The following SSTR3 variants were observed in gnomAD, a reference collection of about 807,000 sequenced individuals.
The protein encoded by SSTR3 is somatostatin receptor type 3.
For missense variants in SSTR3, 504 were observed against 604.7 expected, an observed-to-expected ratio of 0.83 and a Z score of 1.75; for synonymous variants, 281 against 269.2, an observed-to-expected ratio of 1.04 and a Z score of -0.43.
chr22:37,219,405 G>T, the SSTR3 span, among the ~76,000 whole-genome samples: 1 of 114,408 alleles, frequency 8.7e-6, no homozygotes, highest in Non-Finnish European at 1.8e-5. Context: ...GGTGGGAACT[G>T]TATTGAATTT....
chr22:37,216,594 T>C (rs1213332889), upstream of SSTR3, among the ~76,000 whole-genome samples: 1 of 152,232 alleles, frequency 6.6e-6, no homozygotes, highest in Non-Finnish European at 1.5e-5. Context: ...TCAGGGACGA[T>C]TTCGTCCTGG....
At chr22:37,220,272 G>A in the SSTR3 span, among the ~76,000 whole-genome samples, 1 of 152,138 alleles carries the variant, frequency 6.6e-6, no homozygotes, top group Non-Finnish European at 1.5e-5. Flanking sequence ...GGGTCCCAAG[G>A]TAGAAGGGGC....
chr22:37,206,659 G>T lies in SSTR3; in HGVS notation c.1145C>A (p.Thr382Asn), dbSNP rs554837429. ...GCTGGGCGGCCGCTCCTGCCCGCTGGTGCCAGGCTGCGTGATCTGGCTGAC... is the reference window on the plus strand; with the variant it reads ...GCTGGGCGGCCGCTCCTGCCCGCTGTTGCCAGGCTGCGTGATCTGGCTGAC... ...GRVSQITQPG[T>N]SGQERPPSRV... Residue 382 changes from threonine (T) to asparagine (N), a missense_variant, in exon 2 of 2, where the codon ACC becomes AAC. Thr to Asn is a moderately conservative substitution (Grantham distance 65). Coordinates refer to ENST00000610913, the MANE Select transcript of SSTR3 (RefSeq NM_001051.5). 1.9e-6 allele frequency: 3 copies of T among 1,610,508 alleles called. No homozygotes were observed. Among genetic ancestry groups the T allele is most frequent in the Admixed American group, 3.3e-5 (2 of 60,022 alleles).
chr22:37,216,031 C>T (rs1284717314), upstream of SSTR3: 1 of 156,074 alleles, frequency 6.4e-6, no homozygotes, highest in Non-Finnish European at 1.4e-5. Flanking sequence ...TATATCATAA[C>T]AGAAGTTATA....
In SSTR3 at chr22:37,211,831, A is replaced by T; in HGVS notation, c.-43T>A. The T allele has an allele frequency of 1.0e-6, 1 of 985,570 alleles. No homozygotes were observed. The highest frequency in any genetic ancestry group is 4.7e-5 in the South Asian group (1 of 21,294). The allele number at this position is 985,570 out of a possible 1,614,324, so 61.1% of individuals were successfully genotyped here. ...CGGGCCCCAGCCTCCTTACCTGCCC[A>T]TGGGGTGAGGGCTTCCCTCCTTGCC... is the stretch of plus-strand genomic sequence containing the variant. On this transcript the variant is annotated 5_prime_UTR_variant, in exon 1 of 2. An upstream start codon of the reference 5' UTR is lost. Coordinates refer to ENST00000610913, the MANE Select transcript of SSTR3 (RefSeq NM_001051.5).
At chr22:37,217,805 G>A in the SSTR3 span, among the ~76,000 whole-genome samples, 1 of 152,184 alleles carries the variant, frequency 6.6e-6, no homozygotes. Context: ...CTGGGTTCAA[G>A]TGATTCTTCT....
intron 1 of SSTR3, among the ~76,000 whole-genome samples, chr22:37,209,890 C>T (rs543506302): frequency 6.6e-6 from 1 of 152,196 alleles, no homozygotes. Flanking sequence ...GCCTAATGGA[C>T]CTTAGAGATC....
chr22:37,211,991 C>T lies in SSTR3; in HGVS notation c.-203G>A, dbSNP rs866982389. On this transcript the variant is annotated 5_prime_UTR_variant, in exon 1 of 2. Transcript: ENST00000610913. ...GGGCTCAGGTTCCCTCCCAGGCCCT[C>T]GGCCACGGCTGTCCACAGAGCCTCT... is the stretch of plus-strand genomic sequence containing the variant. 1.4e-4 allele frequency: 136 copies of T among 985,750 alleles called. No individual in the cohort carries two copies. The highest frequency in any genetic ancestry group is 1.6e-4 in the Non-Finnish European group (132 of 830,218). 61.1% of individuals were successfully genotyped at this position (985,750 alleles called of 1,614,324 possible).
upstream of SSTR3, among the ~76,000 whole-genome samples, chr22:37,212,625 C>T (rs755516219): frequency 1.3e-5 from 2 of 152,112 alleles, no homozygotes; most frequent in Non-Finnish European, 2.9e-5. Context: ...GGCCTTGGCT[C>T]CTGCAGGGAG....
upstream of SSTR3, among the ~76,000 whole-genome samples, chr22:37,213,256 T>C (rs2145809486): frequency 6.6e-6 from 1 of 152,300 alleles, no homozygotes; most frequent in Non-Finnish European, 1.5e-5. Flanking sequence ...TGCCGTACAG[T>C]CCTGAGCACA....
intron 1 of SSTR3, among the ~76,000 whole-genome samples, chr22:37,209,220 C>T (rs1424302671): frequency 6.6e-6 from 1 of 152,202 alleles, no homozygotes; most frequent in Non-Finnish European, 1.5e-5. Flanking sequence ...TGCAAAGCTC[C>T]TGGGAAGGGA....
chr22:37,207,197 G>T lies in SSTR3; in HGVS notation c.607C>A (p.Arg203=). 2.5e-6 allele frequency: 4 copies of T among 1,610,934 alleles called. No individual in the cohort carries two copies. The highest frequency in any genetic ancestry group is 3.4e-6 in the Non-Finnish European group (4 of 1,179,072). ...MQWPEPAAAW[R]AGFIIYTAAL... Reference sequence around the variant, plus strand: ...GCCGTGTAGATGATGAAGCCGGCTCGCCAGGCCGCCGCCGGCTCGGGCCAC... The same window carrying T: ...GCCGTGTAGATGATGAAGCCGGCTCTCCAGGCCGCCGCCGGCTCGGGCCAC... The change falls in exon 2 of 2, where the codon CGA becomes AGA. Residue 203 remains arginine, a synonymous_variant. Coordinates refer to ENST00000610913, the MANE Select transcript of SSTR3 (RefSeq NM_001051.5).
upstream of SSTR3, among the ~76,000 whole-genome samples, chr22:37,216,173 A>G (rs1367233523): frequency 6.6e-6 from 1 of 152,082 alleles, no homozygotes; most frequent in Non-Finnish European, 1.5e-5. Context: ...AGCAAAAAAC[A>G]GCAGTCCTCC....
chr22:37,206,604 T>C lies in SSTR3; in HGVS notation c.1200A>G (p.Leu400=), dbSNP rs1925768640. 6.2e-7 allele frequency: 1 copy of C among 1,612,282 alleles called. No homozygotes were observed. The highest frequency in any genetic ancestry group is 8.5e-7 in the Non-Finnish European group (1 of 1,179,970). The change falls in exon 2 of 2, where the codon CTA becomes CTG. Residue 400 remains leucine (L), a synonymous_variant. Transcript: ENST00000610913. The part of the protein sequence containing the change: ...SRVASKEQQL[L]PQEASTGEKS... ...TCTCCCCAGTGGAAGCCTCTTGGGGTAGGAGCTGCTGCTCCTTGCTGGCCA... is the reference window on the plus strand; with the variant it reads ...TCTCCCCAGTGGAAGCCTCTTGGGGCAGGAGCTGCTGCTCCTTGCTGGCCA...
At chr22:37,208,912 G>A (rs1926020289) in intron 1 of SSTR3, among the ~76,000 whole-genome samples, 1 of 152,200 alleles carries the variant, frequency 6.6e-6, no homozygotes, top group African/African-American at 2.4e-5. Context: ...AGTGCCAAGG[G>A]GGAATGTCAG....
At chr22:37,217,913 A>G in the SSTR3 span, among the ~76,000 whole-genome samples, 2 of 152,180 alleles carry the variant, frequency 1.3e-5, no homozygotes, top group Non-Finnish European at 2.9e-5. Context: ...CATGTTGGTC[A>G]GGCTAGTCTC....
At chr22:37,216,548 G>A (rs139083130), upstream of SSTR3, among the ~76,000 whole-genome samples, 978 of 152,176 alleles carry the variant, frequency 6.4e-3, 11 homozygotes, top group African/African-American at 0.019. Flanking sequence ...CTATAGCTTC[G>A]TAAAAACCAC....
chr22:37,207,932 G>A (rs967288725), intron 1 of SSTR3, 93 bp from the exon 2 acceptor site: 31 of 1,356,122 alleles, frequency 2.3e-5, no homozygotes, highest in South Asian at 8.1e-5. Flanking sequence ...CCTGCTGCAC[G>A]CCCATCCTCC....
Position 37,206,953 on chromosome 22 carries a change from G to A in SSTR3, c.851C>T (p.Pro284Leu). 1 of 1,612,496 alleles carries A rather than the reference G, an allele frequency of 6.2e-7. No homozygotes were observed. The change falls in exon 2 of 2, where the codon CCA (proline) becomes CTA (leucine). Residue 284 changes from proline to leucine, a missense_variant. By Grantham distance (98) the Pro-to-Leu change is moderately conservative. Coordinates refer to ENST00000610913, the MANE Select transcript of SSTR3 (RefSeq NM_001051.5). ...AAAGAAGGCAGGCTCCTCGGGCAGT[G>A]GGCACACCACGTTGACGATGTTGAG... ...YVLNIVNVVC[P>L]LPEEPAFFGL...
Sources: allele counts gnomAD v4.1 joint callset (sites outside exome capture counted in the v4.1 genomes callset), GRCh38; gene constraint gnomAD v4.1.1; transcripts MANE v1.5; gene names NCBI Gene and HGNC (gene_info 2026-07-23, HGNC 2026-07-21).